The following UNC79 variants were observed in gnomAD, a reference collection of about 807,000 sequenced individuals.
The protein encoded by UNC79 is protein unc-79 homolog.
In UNC79, 37 loss-of-function variants were observed where a neutral mutation model predicts 283.1. The observed-to-expected ratio is 0.13, with a 90% CI of 0.10 to 0.17. The LOEUF (loss-of-function observed/expected upper bound fraction) is 0.17, where lower values mean the gene tolerates loss of function less well. UNC79 is among the 10% of genes least tolerant of loss of function. The pLI is 1.00. For missense variants in UNC79, 2,272 were observed against 3,211.1 expected (o/e 0.71, Z 7.07); for synonymous variants, 1,107 against 1,200.2 (o/e 0.92, Z 1.61).
intron 7 of UNC79, among the ~76,000 whole-genome samples, chr14:93,511,933 G>T (rs1288895453): frequency 6.6e-6 from 1 of 151,738 alleles, no homozygotes; most frequent in East Asian, 1.9e-4. Context: ...AAATTAGATT[G>T]TTTATTTCCA....
chr14:93,585,818 T>C (rs1458037412), intron 20 of UNC79, among the ~76,000 whole-genome samples: 1 of 152,152 alleles, frequency 6.6e-6, no homozygotes, highest in African/African-American at 2.4e-5. Context: ...TCTACCTCTT[T>C]TTGTGAGAAT....
intron 14 of UNC79, among the ~76,000 whole-genome samples, chr14:93,566,773 G>A (rs973476468): frequency 3.3e-5 from 5 of 151,642 alleles, no homozygotes; most frequent in African/African-American, 7.3e-5. Context: ...GAGTAGCTGC[G>A]ACTACAGGCA....
At chr14:93,563,885 A>ATATG (rs1182780517) in intron 14 of UNC79, among the ~76,000 whole-genome samples, 6 of 152,194 alleles carry the variant, frequency 3.9e-5, no homozygotes, top group Admixed American at 2.0e-4. Flanking sequence ...AGCAGAAAGT[A>ATATG]TATGCATCAG....
chr14:93,393,734 G>T (rs1183730919), intron 1 of UNC79, among the ~76,000 whole-genome samples: 1 of 152,016 alleles, frequency 6.6e-6, no homozygotes, highest in East Asian at 1.9e-4. Context: ...ACCATTATTA[G>T]AAATTCAAGT....
intron 7 of UNC79, among the ~76,000 whole-genome samples, chr14:93,509,747 A>G (rs1030483409): frequency 3.3e-5 from 5 of 152,088 alleles, no homozygotes; most frequent in Non-Finnish European, 5.9e-5. Context: ...AGCTGCTTTC[A>G]TGGGCTGGTG....
intron 40 of UNC79, among the ~76,000 whole-genome samples, chr14:93,666,651 CA>C (rs2072232807): frequency 6.6e-6 from 1 of 151,926 alleles, no homozygotes; most frequent in Non-Finnish European, 1.5e-5. Flanking sequence ...TTGATAAATT[CA>C]CAGTTATACA....
At chr14:93,648,876 G>A (rs974271038) in intron 35 of UNC79, among the ~76,000 whole-genome samples, 1 of 152,192 alleles carries the variant, frequency 6.6e-6, no homozygotes, top group Non-Finnish European at 1.5e-5. Context: ...GATTGTGTAT[G>A]ACTTATAAAC....
chr14:93,562,028 G>T (rs1275937169), intron 14 of UNC79, among the ~76,000 whole-genome samples: 1 of 152,160 alleles, frequency 6.6e-6, no homozygotes. Flanking sequence ...GGCTCATAAG[G>T]GTTATTACTG....
intron 1 of UNC79, among the ~76,000 whole-genome samples, chr14:93,345,859 C>G (rs2053815517): frequency 6.6e-6 from 1 of 151,740 alleles, no homozygotes; most frequent in Non-Finnish European, 1.5e-5. Context: ...TAACAGTATC[C>G]TGGAGGAACG....
chr14:93,642,341 C>T lies in UNC79; in HGVS notation c.5903+1094C>T, dbSNP rs1389035824. On this transcript the variant is annotated intron_variant, in intron 33 of 48. Coordinates refer to ENST00000555664, the Ensembl canonical transcript of UNC79. Reference sequence around the variant, plus strand: ...TCGGGAGGCTGAGGCAGGAGAATGTCGTGAACCTGGGAGGCGGAGCTTGCA... The same window carrying T: ...TCGGGAGGCTGAGGCAGGAGAATGTTGTGAACCTGGGAGGCGGAGCTTGCA... 5.4e-5 allele frequency among the ~76,000 whole-genome samples: 8 copies of T among 147,220 alleles called. No homozygotes were observed. In the East Asian group the frequency reaches 1.6e-3, roughly 30 times the overall value.
In UNC79 at chr14:93,621,816, T is replaced by C. The variant is rs1388217645; in HGVS notation, c.4583T>C (p.Ile1528Thr). 5 of 1,613,912 alleles carry C rather than the reference T, an allele frequency of 3.1e-6. No individual in the cohort carries two copies. Among genetic ancestry groups the C allele is most frequent in the Non-Finnish European group, 4.2e-6 (5 of 1,179,996 alleles). ...AAGTCGTGCATAGATCGGTGTGACA[T>C]AGAGAAGCCTCCGACCCAAGCTGCG... The change falls in exon 30 of 49, where the codon ATA becomes ACA. Residue 1528 changes from isoleucine (I) to threonine (T), a missense_variant. Coordinates refer to ENST00000555664, the Ensembl canonical transcript of UNC79. This position sits in a 1 kb window ranked among gnomAD's most constrained non-coding sequence, Gnocchi z 4.8.
chr14:93,621,118 T>A lies in UNC79; in HGVS notation c.4388-503T>A. ...TTTGTTTGGGGTGAAATCTTAATTT[T>A]ATTATGTTACTACACATTTTAATAC... On this transcript the variant is annotated intron_variant, in intron 29 of 48. Transcript: ENST00000555664. The surrounding 1 kb of genome is among the most constrained non-coding windows in gnomAD (Gnocchi z 4.8). 2.3e-6 allele frequency: 1 copy of A among 437,732 alleles called. No homozygotes were observed. The highest frequency in any genetic ancestry group is 5.7e-5 in the East Asian group (1 of 17,664). 27.1% of individuals were successfully genotyped at this position (437,732 alleles called of 1,614,324 possible). A position where few individuals can be genotyped will look rare whatever the true frequency, so the allele number is the denominator to read the frequency against.
At chr14:93,357,142 C>T (rs1056313054) in intron 1 of UNC79, among the ~76,000 whole-genome samples, 4 of 152,158 alleles carry the variant, frequency 2.6e-5, no homozygotes, top group Admixed American at 2.0e-4. Context: ...TCACTTAGGA[C>T]GTGTGTTAAT....
At chr14:93,533,535 G>C (rs1367727621) in intron 11 of UNC79, among the ~76,000 whole-genome samples, 1 of 152,134 alleles carries the variant, frequency 6.6e-6, no homozygotes, top group East Asian at 1.9e-4. Context: ...AAGCTGGGAT[G>C]GCTGGAATGG....
intron 7 of UNC79, among the ~76,000 whole-genome samples, chr14:93,502,088 C>A (rs2059319477): frequency 6.6e-6 from 1 of 152,084 alleles, no homozygotes. Flanking sequence ...TGTATATCAA[C>A]AACAACTGCT....
chr14:93,705,996 C>T (rs759040442), intron 48 of UNC79, among the ~76,000 whole-genome samples: 24 of 152,240 alleles, frequency 1.6e-4, no homozygotes, highest in African/African-American at 5.1e-4. Flanking sequence ...AACTGCCTCT[C>T]GGTACTAGTT....
At chr14:93,510,954 G>A (rs1469937036) in intron 7 of UNC79, among the ~76,000 whole-genome samples, 2 of 152,128 alleles carry the variant, frequency 1.3e-5, no homozygotes, top group African/African-American at 4.8e-5. Flanking sequence ...CCTGCAACTG[G>A]GTAGTTTATA....
At chr14:93,569,437 C>T (rs991715312) in intron 14 of UNC79, among the ~76,000 whole-genome samples, 5 of 150,974 alleles carry the variant, frequency 3.3e-5, no homozygotes, top group South Asian at 2.1e-4. Context: ...ACTCCATCTC[C>T]AAAAAAAATA....
At chr14:93,686,736 G>A (rs954385778) in intron 43 of UNC79, 75 bp downstream of exon 46, 221 of 1,551,966 alleles carry the variant, frequency 1.4e-4, no homozygotes, top group Non-Finnish European at 1.8e-4. Flanking sequence ...GCAGACCATA[G>A]GGAACTTATC....
Sources: allele counts gnomAD v4.1 joint callset (sites outside exome capture counted in the v4.1 genomes callset), GRCh38; gene constraint gnomAD v4.1.1; non-coding constraint Gnocchi (gnomAD v3.1); transcripts MANE v1.5; gene names NCBI Gene and HGNC (gene_info 2026-07-23, HGNC 2026-07-21).